Variants in EVI5 observed in about 807,000 individuals in gnomAD.
EVI5 encodes the protein ecotropic viral integration site 5.
Under a neutral mutation model 112.0 loss-of-function variants are expected in EVI5, and 73 were observed. That is an observed-to-expected ratio of 0.65 (90% CI 0.54 to 0.79). EVI5 has a LOEUF of 0.79. Ranked by LOEUF, EVI5 falls within the 30% of genes least tolerant of loss-of-function variation. The pLI is 0.00. For missense variants in EVI5, 900 were observed against 968.8 expected, an observed-to-expected ratio of 0.93 and a Z score of 0.94; for synonymous variants, 305 against 319.9, an observed-to-expected ratio of 0.95 and a Z score of 0.50.
At chr1:92,729,931 G>A (rs553558489) in intron 2 of EVI5, among the ~76,000 whole-genome samples, 2 of 151,930 alleles carry the variant, frequency 1.3e-5, no homozygotes, top group Admixed American at 6.6e-5. Context: ...ATGTAAAGTC[G>A]GTTTAACATT....
chr1:92,635,273 C>T (rs1004115494), intron 14 of EVI5, among the ~76,000 whole-genome samples: 1 of 152,204 alleles, frequency 6.6e-6, no homozygotes, highest in Non-Finnish European at 1.5e-5. Context: ...GCCCTGCCCC[C>T]GAGGTGGAGT....
chr1:92,684,143 A>T (rs557660220), intron 9 of EVI5, among the ~76,000 whole-genome samples: 1 of 152,316 alleles, frequency 6.6e-6, no homozygotes, highest in African/African-American at 2.4e-5. Context: ...TGTTAAGGGC[A>T]GCCACAGAGA....
intron 18 of EVI5, among the ~76,000 whole-genome samples, chr1:92,575,490 C>T (rs772999607): frequency 2.6e-5 from 4 of 151,128 alleles, no homozygotes; most frequent in African/African-American, 4.9e-5. Context: ...CATAATCAAA[C>T]CAAGGTTCAT....
At chr1:92,789,920 C>G (rs977028028), upstream of EVI5, among the ~76,000 whole-genome samples, 1 of 152,160 alleles carries the variant, frequency 6.6e-6, no homozygotes, top group Non-Finnish European at 1.5e-5. Context: ...ACCCTGGGAG[C>G]TTTTTAGAGA....
chr1:92,748,915 A>G (rs999826737), intron 1 of EVI5, among the ~76,000 whole-genome samples: 6 of 152,078 alleles, frequency 3.9e-5, no homozygotes, highest in Admixed American at 6.5e-5. Context: ...AAAATACAAA[A>G]ATTAGCTGGG....
At chr1:92,789,202 G>C (rs1685902210), upstream of EVI5, among the ~76,000 whole-genome samples, 1 of 152,046 alleles carries the variant, frequency 6.6e-6, no homozygotes, top group East Asian at 1.9e-4. Flanking sequence ...CTTTTTGTTT[G>C]TTTGAGGTTT....
At chr1:92,644,013 C>T (rs1295357644) in intron 13 of EVI5, among the ~76,000 whole-genome samples, 1 of 152,118 alleles carries the variant, frequency 6.6e-6, no homozygotes, top group Non-Finnish European at 1.5e-5. Flanking sequence ...TAACTGATTC[C>T]ATAAGGATCA....
At chr1:92,558,921 A>T (rs1346568457) in intron 19 of EVI5, among the ~76,000 whole-genome samples, 2 of 152,048 alleles carry the variant, frequency 1.3e-5, no homozygotes, top group African/African-American at 4.8e-5. Context: ...AACAACAACA[A>T]ACATCCAAAG....
At chr1:92,784,680 G>A (rs916121425) in intron 1 of EVI5, among the ~76,000 whole-genome samples, 156 bp downstream of exon 1, 1 of 151,896 alleles carries the variant, frequency 6.6e-6, no homozygotes, top group African/African-American at 2.4e-5. Flanking sequence ...AGGGAACTTA[G>A]GCCCTGGCGG....
In EVI5 at chr1:92,512,497, T is replaced by G. The variant is rs1269690442; in HGVS notation, c.*1159A>C. 1 of 152,252 alleles carries G rather than the reference T, an allele frequency of 6.6e-6. No homozygotes were observed. Among genetic ancestry groups the G allele is most frequent in the African/African-American group, 2.4e-5 (1 of 41,470 alleles). The allele number at this position is 152,252 out of a possible 1,614,324, so 9.4% of individuals were successfully genotyped here. On this transcript the variant is annotated 3_prime_UTR_variant, in exon 20 of 20. Transcript: ENST00000684568. ...AAAACATTAGTGTTTTATTTTTAAC[T>G]TTTAACCTATTATTTACAGAAGTCC...
At chr1:92,680,448 G>C (rs547098233) in intron 9 of EVI5, among the ~76,000 whole-genome samples, 1 of 152,236 alleles carries the variant, frequency 6.6e-6, no homozygotes, top group South Asian at 2.1e-4. Context: ...AATTCACACT[G>C]ATGTAAATAA....
At chr1:92,583,039 C>T (rs1672199980) in intron 18 of EVI5, among the ~76,000 whole-genome samples, 1 of 152,166 alleles carries the variant, frequency 6.6e-6, no homozygotes, top group African/African-American at 2.4e-5. Context: ...CTCACAAATG[C>T]TTTTTAATAC....
At chr1:92,678,427 AG>A (rs1048482657) in intron 9 of EVI5, among the ~76,000 whole-genome samples, 1 of 152,068 alleles carries the variant, frequency 6.6e-6, no homozygotes, top group African/African-American at 2.4e-5. Context: ...AGGTACTCAG[AG>A]GCTGAGGTGG....
chr1:92,697,832 T>A (rs1670549373), intron 6 of EVI5, 28 bp downstream of exon 6: 2 of 1,582,084 alleles, frequency 1.3e-6, no homozygotes, highest in East Asian at 4.5e-5. Flanking sequence ...AAAGGCAATA[T>A]GCCTTTTTAT....
chr1:92,552,886 C>T (rs942363276), intron 19 of EVI5, among the ~76,000 whole-genome samples: 1 of 151,858 alleles, frequency 6.6e-6, no homozygotes. Context: ...CATCTTACCC[C>T]TCTCCTACTA....
chr1:92,722,860 A>G (rs1396396008), intron 2 of EVI5, among the ~76,000 whole-genome samples: 2 of 152,206 alleles, frequency 1.3e-5, no homozygotes, highest in African/African-American at 4.8e-5. Context: ...ACATATACAC[A>G]CACTAAACCC....
intron 4 of EVI5, among the ~76,000 whole-genome samples, chr1:92,703,106 C>T (rs1037459783): frequency 2.0e-5 from 3 of 152,126 alleles, no homozygotes; most frequent in Non-Finnish European, 2.9e-5. Flanking sequence ...TTTTGAACTT[C>T]ACAGATGGTG....
chr1:92,624,261 T>C lies in EVI5; in HGVS notation c.1742A>G (p.Glu581Gly). 2 of 1,612,338 alleles carry C rather than the reference T, an allele frequency of 1.2e-6. No homozygotes were observed. Among genetic ancestry groups the C allele is most frequent in the South Asian group, 1.1e-5 (1 of 91,042 alleles). Reference sequence around the variant, plus strand: ...TTCTCTAAGTCGAATGGTCATCAGTTCATCTTGTAACTCATTCATAGCATT... The same window carrying C: ...TTCTCTAAGTCGAATGGTCATCAGTCCATCTTGTAACTCATTCATAGCATT... ...KKNAMNELQDELMTIRLREAE... is the reference protein window; with the variant it reads ...KKNAMNELQDGLMTIRLREAE... The change falls in exon 16 of 20, where the codon GAA (glutamate) becomes GGA (glycine). Residue 581 changes from glutamate (E) to glycine (G), a missense_variant. By Grantham distance (98) the Glu-to-Gly change is moderately conservative (BLOSUM62 -2). Coordinates refer to ENST00000684568, the MANE Select transcript of EVI5 (RefSeq NM_001350197.2).
chr1:92,555,921 A>G (rs1667614978), intron 19 of EVI5, among the ~76,000 whole-genome samples: 1 of 152,004 alleles, frequency 6.6e-6, no homozygotes, highest in African/African-American at 2.4e-5. Flanking sequence ...AGTATGAAAT[A>G]AAGAAAAAAA....
Sources: gnomAD v4.1 joint callset for allele counts (sites outside exome capture counted in the v4.1 genomes callset) on GRCh38, gnomAD v4.1.1 for gene constraint, MANE v1.5 for transcripts, NCBI Gene and HGNC (gene_info 2026-07-23, HGNC 2026-07-21) for gene names.